The following BACC1 variants were observed in gnomAD, a reference collection of about 807,000 sequenced individuals.
BACC1 encodes BPTF associated chromatin complex component 1, also known as BPTF-associated chromatin complex component 1.
At chr17:7,017,101 C>T in the BACC1 span, 7 of 1,530,114 alleles carry the variant, frequency 4.6e-6, no homozygotes, top group Non-Finnish European at 6.3e-6. Flanking sequence ...CGCAGGGGCC[C>T]CTCCCTTGTA....
chr17:7,016,097 C>T, the BACC1 span: 1 of 554,624 alleles, frequency 1.8e-6, no homozygotes, highest in Non-Finnish European at 3.2e-6. Flanking sequence ...TTTAGGTTGC[C>T]TGAGATGCTG....
At chr17:7,016,326 T>A in the BACC1 span, 1 of 669,804 alleles carries the variant, frequency 1.5e-6, no homozygotes, top group Non-Finnish European at 2.6e-6. Flanking sequence ...CCACACTCCA[T>A]CCATCCTGAG....
chr17:7,015,175 G>A, the BACC1 span: 2 of 1,556,842 alleles, frequency 1.3e-6, no homozygotes, highest in Non-Finnish European at 1.7e-6. Flanking sequence ...GCCCGGACTG[G>A]GACGTGGACG....
the BACC1 span, chr17:7,017,102 C>T: frequency 2.6e-6 from 4 of 1,531,488 alleles, no homozygotes; most frequent in Non-Finnish European, 3.6e-6. Flanking sequence ...GCAGGGGCCC[C>T]TCCCTTGTAT....
chr17:7,016,710 AG>A, the BACC1 span: 1 of 1,594,554 alleles, frequency 6.3e-7, no homozygotes, highest in South Asian at 1.1e-5. Context: ...GTTGCTGCCT[AG>A]GGGTTAAAGG....
chr17:7,016,443 C>A, the BACC1 span: 14 of 1,578,892 alleles, frequency 8.9e-6, no homozygotes, highest in Admixed American at 1.9e-5. Flanking sequence ...GTCCCCTCTT[C>A]TGTTAGTCTC....
the BACC1 span, chr17:7,016,284 T>C: frequency 1.7e-6 from 1 of 573,908 alleles, no homozygotes. Flanking sequence ...GAGATGGGCC[T>C]TTCCCACTAC....
chr17:7,016,766 G>A, the BACC1 span: 1 of 1,539,114 alleles, frequency 6.5e-7, no homozygotes. Context: ...GGTCAAAGAA[G>A]GGTCAGTCTC....
At chr17:7,014,991 G>C in the BACC1 span, 1 of 1,425,830 alleles carries the variant, frequency 7.0e-7, no homozygotes, top group African/African-American at 1.5e-5. This position sits in a 1 kb window ranked among gnomAD's most constrained non-coding sequence, Gnocchi z 4.5. Flanking sequence ...CGAGCCTGGG[G>C]TGGGGCTAGG....
the BACC1 span, chr17:7,015,703 A>T: frequency 1.2e-5 from 18 of 1,466,710 alleles, no homozygotes; most frequent in Non-Finnish European, 1.6e-5. Context: ...TGGCTGTGGG[A>T]TGCATAGCCT....
At chr17:7,015,349 C>G in the BACC1 span, 2 of 1,372,648 alleles carry the variant, frequency 1.5e-6, no homozygotes, top group Non-Finnish European at 1.9e-6. Flanking sequence ...GCCCATAGCC[C>G]AGACTCCTGT....
the BACC1 span, chr17:7,016,312 C>CT: frequency 9.5e-6 from 6 of 631,014 alleles, no homozygotes; most frequent in South Asian, 1.2e-4. Context: ...AGGGACTCCA[C>CT]TCTCCACACT....
At chr17:7,014,959 C>G in the BACC1 span, 2 of 1,253,664 alleles carry the variant, frequency 1.6e-6, no homozygotes. This position sits in a 1 kb window ranked among gnomAD's most constrained non-coding sequence, Gnocchi z 4.5. Flanking sequence ...TCTTCCGCCC[C>G]GGGCGGGGGG....
chr17:7,015,080 G>A, the BACC1 span: 1 of 1,562,534 alleles, frequency 6.4e-7, no homozygotes, highest in Non-Finnish European at 8.6e-7. Context: ...GATCTTCTCG[G>A]CGGCCGGCGC....
the BACC1 span, chr17:7,017,289 A>AT: frequency 6.2e-7 from 1 of 1,613,144 alleles, no homozygotes. Context: ...CCTTCTCATG[A>AT]CCTCTGCTGA....
At chr17:7,016,614 C>A in the BACC1 span, 12 of 1,614,054 alleles carry the variant, frequency 7.4e-6, no homozygotes, top group Non-Finnish European at 1.0e-5. Context: ...TCACCTCCTC[C>A]AGCTGCCCCT....
the BACC1 span, chr17:7,016,978 G>A: frequency 6.2e-7 from 1 of 1,614,022 alleles, no homozygotes; most frequent in Non-Finnish European, 8.5e-7. Flanking sequence ...AGGGCTAGGA[G>A]AAACTCCTCC....
At chr17:7,015,361 TCA>T in the BACC1 span, 1 of 1,370,204 alleles carries the variant, frequency 7.3e-7, no homozygotes, top group Non-Finnish European at 9.4e-7. Flanking sequence ...GACTCCTGTT[TCA>T]CAGTTCTCCC....
the BACC1 span, chr17:7,016,629 C>A: frequency 6.2e-7 from 1 of 1,614,098 alleles, no homozygotes; most frequent in Non-Finnish European, 8.5e-7. Context: ...GCCCCTCCTC[C>A]CAGCAGCTCC....
Sources: allele counts gnomAD v4.1 joint callset, GRCh38; gene constraint gnomAD v4.1.1; non-coding constraint Gnocchi (gnomAD v3.1); transcripts MANE v1.5; gene names NCBI Gene and HGNC (gene_info 2026-07-23, HGNC 2026-07-21).